The following FAM163A variants were observed in gnomAD, a reference collection of about 807,000 sequenced individuals.
FAM163A encodes the protein protein FAM163A.
FAM163A carries 7 observed loss-of-function variants against 12.0 expected under a neutral mutation model. The observed-to-expected ratio is 0.58, with a 90% CI of 0.33 to 1.10. The LOEUF (loss-of-function observed/expected upper bound fraction) is 1.10. Ranked by LOEUF, FAM163A falls within the 50% of genes least tolerant of loss-of-function variation. The pLI, the probability that FAM163A is intolerant of heterozygous loss-of-function variation, is 0.03. For synonymous variants in FAM163A, 101 were observed against 91.0 expected, an observed-to-expected ratio of 1.11 and a Z score of -0.62; for missense variants, 202 against 218.6, an observed-to-expected ratio of 0.92 and a Z score of 0.48.
intron 1 of FAM163A, among the ~76,000 whole-genome samples, chr1:179,802,200 T>C (rs1693277247): frequency 1.3e-5 from 2 of 152,266 alleles, no homozygotes; most frequent in African/African-American, 2.4e-5. Context: ...ATTTACCTTC[T>C]TCCATAGGCA....
At chr1:179,776,697 A>G (rs74733523) in intron 1 of FAM163A, among the ~76,000 whole-genome samples, 2,777 of 152,254 alleles carry the variant, frequency 0.018, 88 homozygotes, top group African/African-American at 0.063. Context: ...AATTGGCAAT[A>G]TGGATGATTT....
chr1:179,800,450 A>G (rs917051612), intron 1 of FAM163A, among the ~76,000 whole-genome samples: 1 of 152,198 alleles, frequency 6.6e-6, no homozygotes, highest in Non-Finnish European at 1.5e-5. Flanking sequence ...TTGTAACCCC[A>G]AGCACTGAAC....
chr1:179,794,456 TG>T (rs1691977872), intron 1 of FAM163A, among the ~76,000 whole-genome samples: 1 of 152,192 alleles, frequency 6.6e-6, no homozygotes, highest in South Asian at 2.1e-4. Context: ...ACAGGTGTCT[TG>T]GGATTCCCTG....
At chr1:179,732,481 G>A in the FAM163A span, among the ~76,000 whole-genome samples, 5 of 152,260 alleles carry the variant, frequency 3.3e-5, no homozygotes, top group African/African-American at 1.2e-4. Context: ...TCATGACAAA[G>A]TACACCATGC....
Position 179,814,201 on chromosome 1 carries a change from C to A in FAM163A, c.*12C>A. On this transcript the variant is annotated 3_prime_UTR_variant, in exon 5 of 5. Coordinates refer to ENST00000341785, the MANE Select transcript of FAM163A (RefSeq NM_173509.3). ...GTACAGACGTGTAAATCCTTCCACC[C>A]CGACCCGCACACACACCCACACTGC... 1 of 1,590,956 alleles carries A rather than the reference C, an allele frequency of 6.3e-7. No homozygotes were observed. The highest frequency in any genetic ancestry group is 8.6e-7 in the Non-Finnish European group (1 of 1,166,470).
intron 1 of FAM163A, among the ~76,000 whole-genome samples, chr1:179,748,723 G>T (rs1287991686): frequency 6.6e-6 from 1 of 152,178 alleles, no homozygotes; most frequent in Admixed American, 6.5e-5. Context: ...AGTCCGTCTT[G>T]GAGAAGGTGA....
the FAM163A span, among the ~76,000 whole-genome samples, chr1:179,736,809 CA>C: frequency 1.4e-5 from 2 of 141,834 alleles, no homozygotes; most frequent in African/African-American, 2.6e-5. Flanking sequence ...GACTCAGTCT[CA>C]AAAAAAAAGA....
At chr1:179,772,869 C>T (rs1370232085) in intron 1 of FAM163A, among the ~76,000 whole-genome samples, 2 of 151,424 alleles carry the variant, frequency 1.3e-5, no homozygotes, top group Non-Finnish European at 2.9e-5. Context: ...GCTGCTAGAA[C>T]TCCAGCCATC....
At chr1:179,799,863 A>G (rs1013624355) in intron 1 of FAM163A, among the ~76,000 whole-genome samples, 2 of 152,174 alleles carry the variant, frequency 1.3e-5, no homozygotes, top group South Asian at 2.1e-4. Flanking sequence ...CTAAGTCCCA[A>G]TTGTGTCATA....
At position 179,814,180 on chromosome 1, in the gene FAM163A, A is replaced by G. The variant is rs766942966; in HGVS notation, c.495A>G (p.Thr165=). The change falls in exon 5 of 5, where the codon ACA becomes ACG. Residue 165 remains threonine, a synonymous_variant. Transcript: ENST00000341785. ...TCACCAATCCAAGGGCTATTAGTAC[A>G]GACGTGTAAATCCTTCCACCCCGAC... ...EAFTNPRAIS[T]DV The G allele has an allele frequency of 1.2e-6, 2 of 1,611,540 alleles. No homozygotes were observed. Among genetic ancestry groups the G allele is most frequent in the Non-Finnish European group, 1.7e-6 (2 of 1,178,634 alleles).
chr1:179,730,936 T>C, the FAM163A span, among the ~76,000 whole-genome samples: 2 of 152,196 alleles, frequency 1.3e-5, no homozygotes, highest in African/African-American at 4.8e-5. Context: ...GAGTAAACGC[T>C]TTTTCTTTTA....
intron 1 of FAM163A, among the ~76,000 whole-genome samples, chr1:179,799,110 G>GTGAAACAAGTGAAACAAGTGTTTCACTGC (rs1692796137): frequency 1.3e-5 from 2 of 148,846 alleles, no homozygotes; most frequent in Non-Finnish European, 3.0e-5. Context: ...CTGGAAGAAA[G>GTGAAACAAGTGAAACAAGTGTTTCACTGC]TGAAACAAGT....
chr1:179,757,289 TA>T (rs1292597983), intron 1 of FAM163A, among the ~76,000 whole-genome samples: 1 of 152,114 alleles, frequency 6.6e-6, no homozygotes, highest in Non-Finnish European at 1.5e-5. Context: ...GAGGGAGTAC[TA>T]AGTGGAACGT....
chr1:179,799,412 A>G (rs1364134757), intron 1 of FAM163A, among the ~76,000 whole-genome samples: 2 of 152,206 alleles, frequency 1.3e-5, no homozygotes, highest in Non-Finnish European at 2.9e-5. Context: ...AGGAAAGAGC[A>G]CTGACTCTGG....
At chr1:179,749,568 T>C (rs1449588861) in intron 1 of FAM163A, among the ~76,000 whole-genome samples, 1 of 152,152 alleles carries the variant, frequency 6.6e-6, no homozygotes, top group Non-Finnish European at 1.5e-5. Flanking sequence ...TAACTAAAAA[T>C]AGGCCAGGCG....
intron 4 of FAM163A, among the ~76,000 whole-genome samples, chr1:179,813,561 G>T (rs1358781078): frequency 6.6e-6 from 1 of 152,168 alleles, no homozygotes; most frequent in Non-Finnish European, 1.5e-5. Context: ...CTCAACTACA[G>T]CCTGGAGTTA....
At chr1:179,780,880 CAG>C (rs1355595500) in intron 1 of FAM163A, among the ~76,000 whole-genome samples, 2 of 152,186 alleles carry the variant, frequency 1.3e-5, no homozygotes, top group Non-Finnish European at 1.5e-5. Flanking sequence ...ATCACAGAAT[CAG>C]AGTGTTCTCA....
intron 1 of FAM163A, among the ~76,000 whole-genome samples, chr1:179,766,752 T>C (rs1687552986): frequency 6.9e-6 from 1 of 145,314 alleles, no homozygotes; most frequent in Non-Finnish European, 1.6e-5. Flanking sequence ...TACTTTTCTT[T>C]CTTTTTTTTT....
chr1:179,758,055 G>A (rs1686279656), intron 1 of FAM163A, among the ~76,000 whole-genome samples: 1 of 152,176 alleles, frequency 6.6e-6, no homozygotes, highest in African/African-American at 2.4e-5. Flanking sequence ...AAATCCATGG[G>A]AACAAGTCCT....
Sources: gnomAD v4.1 joint callset for allele counts (sites outside exome capture counted in the v4.1 genomes callset) on GRCh38, gnomAD v4.1.1 for gene constraint, MANE v1.5 for transcripts, NCBI Gene and HGNC (gene_info 2026-07-23, HGNC 2026-07-21) for gene names.